The following SLC8B1 variants were observed in gnomAD, a reference collection of about 807,000 sequenced individuals.
SLC8B1 encodes solute carrier family 8 member B1.
Under a neutral mutation model 63.4 loss-of-function variants are expected in SLC8B1, and 52 were observed. The ratio of observed to expected loss-of-function variants is 0.82; its 90% CI spans 0.66 to 1.03. The LOEUF is 1.03. SLC8B1 is among the 50% of genes least tolerant of loss of function. SLC8B1 has a pLI of 0.00. For synonymous variants in SLC8B1, 336 were observed against 323.9 expected (o/e 1.04, Z -0.40); for missense variants, 657 against 741.7 (o/e 0.89, Z 1.33).
chr12:113,315,447 T>C lies in SLC8B1; in HGVS notation c.1023A>G (p.Thr341=), dbSNP rs751132601. The change falls in exon 11 of 16, where the codon ACA becomes ACG. Residue 341 remains threonine, a synonymous_variant. Transcript: ENST00000680972. The part of the protein sequence containing the change: ...KLPVEFLLLL[T]VPVVDPDKDD... ...CCTTGTCCGGGTCCACGACGGGGACTGTGAGGAGCAGCAGGAACTCCACAG... is the reference window on the plus strand; with the variant it reads ...CCTTGTCCGGGTCCACGACGGGGACCGTGAGGAGCAGCAGGAACTCCACAG... 1.2e-5 allele frequency: 20 copies of C among 1,602,058 alleles called. No homozygotes were observed. Among genetic ancestry groups the C allele is most frequent in the Non-Finnish European group, 1.7e-5 (20 of 1,174,862 alleles).
chr12:113,333,935 C>T (rs962794535), intron 1 of SLC8B1, among the ~76,000 whole-genome samples: 4 of 152,208 alleles, frequency 2.6e-5, no homozygotes, highest in Non-Finnish European at 5.9e-5. Flanking sequence ...TCTGGAACTC[C>T]TAGCCTCAAG....
rs577081533 is a variant in SLC8B1, at chr12:113,334,587, C to A, written c.-227G>T. 6.6e-6 allele frequency: 1 copy of A among 152,308 alleles called. No individual in the cohort carries two copies. Among genetic ancestry groups the A allele is most frequent in the African/African-American group, 2.4e-5 (1 of 41,552 alleles). 9.4% of individuals were successfully genotyped at this position (152,308 alleles called of 1,614,324 possible). ...CTCGGCCACTTACTATCTGTGTGGCCTTAAGGAAGTCACTTCACCTCTCTG... is the reference window on the plus strand; with the variant it reads ...CTCGGCCACTTACTATCTGTGTGGCATTAAGGAAGTCACTTCACCTCTCTG... On this transcript the variant is annotated 5_prime_UTR_variant, in exon 1 of 16. The change creates a new upstream start codon in the 5' untranslated region. Transcript: ENST00000680972.
chr12:113,332,730 A>G lies in SLC8B1; in HGVS notation c.149T>C (p.Val50Ala). 1 of 1,613,712 alleles carries G rather than the reference A, an allele frequency of 6.2e-7. No homozygotes were observed. Among genetic ancestry groups the G allele is most frequent in the Non-Finnish European group, 8.5e-7 (1 of 1,179,804 alleles). The change falls in exon 2 of 16, where the codon GTG (valine) becomes GCG (alanine). Residue 50 changes from valine to alanine, a missense_variant. By Grantham distance (64) the Val-to-Ala change is moderately conservative. Transcript: ENST00000680972. ...TCCTACCGGGATACTCACGTCTACC[A>G]CGGGGGTCTGGTTCACACCTGAAGC... ...FPASGVNQTPVVDCRKVCGLN... is the reference protein window; with the variant it reads ...FPASGVNQTPAVDCRKVCGLN...
Position 113,317,001 on chromosome 12 carries a change from T to C in SLC8B1, c.803A>G (p.Glu268Gly), listed in dbSNP as rs1311066658. The C allele has an allele frequency of 1.2e-6, 2 of 1,612,398 alleles. No individual in the cohort carries two copies. Among genetic ancestry groups the C allele is most frequent in the South Asian group, 2.2e-5 (2 of 90,468 alleles). Residue 268 changes from glutamate (E) to glycine (G), a missense_variant and splice_region_variant, in exon 9 of 16, where the codon GAG (glutamate) becomes GGG (glycine). Transcript: ENST00000680972. Reference protein sequence around the residue: ...SLFCPMPVTPEILSDSEEDRV... With the variant: ...SLFCPMPVTPGILSDSEEDRV... The stretch of plus-strand genomic sequence containing the variant: ...GTCCTCCTCGGAGTCTGAGAGGATC[T>C]CTGCAGGAGAGAGGCCCAGTTACAT...
intron 15 of SLC8B1, among the ~76,000 whole-genome samples, chr12:113,303,424 G>A (rs535112585): frequency 3.2e-4 from 48 of 152,094 alleles, no homozygotes; most frequent in Non-Finnish European, 5.6e-4. Flanking sequence ...GGGAGAAACG[G>A]GTGACTTTAT....
intron 11 of SLC8B1, among the ~76,000 whole-genome samples, chr12:113,312,739 T>G (rs1287405624): frequency 6.6e-6 from 1 of 152,144 alleles, no homozygotes; most frequent in East Asian, 1.9e-4. Context: ...TGCAGAACCG[T>G]GACTCAGGAA....
At chr12:113,318,882 C>T in intron 8 of SLC8B1, 82 bp downstream of exon 8, 1 of 1,080,280 alleles carries the variant, frequency 9.3e-7, no homozygotes. Flanking sequence ...ACAATGGCCT[C>T]AGGAGACCCT....
chr12:113,301,745 A>G (rs1393747788), intron 15 of SLC8B1, among the ~76,000 whole-genome samples: 9 of 152,172 alleles, frequency 5.9e-5, no homozygotes, highest in Non-Finnish European at 1.3e-4. Flanking sequence ...TGATCTAACA[A>G]TAGTCTTGTA....
At chr12:113,304,439 CA>C in intron 14 of SLC8B1, 54 bp from the exon 15 acceptor site, 1 of 1,516,112 alleles carries the variant, frequency 6.6e-7, no homozygotes, top group Non-Finnish European at 9.1e-7. Flanking sequence ...AACCCAACCA[CA>C]TAGCCCGTTC....
intron 8 of SLC8B1, among the ~76,000 whole-genome samples, chr12:113,318,416 G>C (rs968948577): frequency 2.0e-5 from 3 of 150,234 alleles, no homozygotes; most frequent in African/African-American, 7.5e-5. Flanking sequence ...GCATATATTT[G>C]TATGTGTGTT....
At chr12:113,330,351 A>C (rs1235258286) in intron 2 of SLC8B1, among the ~76,000 whole-genome samples, 1 of 152,230 alleles carries the variant, frequency 6.6e-6, no homozygotes, top group Non-Finnish European at 1.5e-5. Flanking sequence ...CCAGAAAGGC[A>C]GCTGCCCCAT....
Position 113,304,366 on chromosome 12 carries a change from C to T in SLC8B1, c.1512G>A (p.Gly504=), listed in dbSNP as rs1956642664. ...GIIFNILVGV[G]LGCLLQISRS... is the part of the protein sequence containing the mutation. ...GGGAGATCTGGAGCAGGCAGCCCAG[C>T]CCCACACCCACGAGGATGTCTGCAG... The change falls in exon 15 of 16, where the codon GGG becomes GGA. Residue 504 remains glycine, a synonymous_variant. Transcript: ENST00000680972. 4.3e-6 allele frequency: 7 copies of T among 1,613,852 alleles called. No homozygotes were observed. The East Asian group carries it at 1.3e-4, about 31-fold the overall frequency.
At chr12:113,302,064 A>T (rs1414714189) in intron 15 of SLC8B1, 1 of 152,256 alleles carries the variant, frequency 6.6e-6, no homozygotes, top group African/African-American at 2.4e-5. Flanking sequence ...GCAGGTTTTT[A>T]TATGTGTAGT....
intron 15 of SLC8B1, chr12:113,302,578 C>T (rs1956603834): frequency 2.2e-6 from 1 of 453,998 alleles, no homozygotes; most frequent in Admixed American, 2.4e-5. Flanking sequence ...TGTCCCCTCC[C>T]CGCTTCTCTT....
intron 2 of SLC8B1, among the ~76,000 whole-genome samples, chr12:113,325,595 C>T (rs1411083210): frequency 1.3e-4 from 20 of 148,448 alleles, no homozygotes; most frequent in Admixed American, 1.2e-3. Flanking sequence ...GACGGAGTCT[C>T]GCTCTTTCGC....
intron 8 of SLC8B1, among the ~76,000 whole-genome samples, chr12:113,318,671 CCT>C (rs1307332483): frequency 2.0e-5 from 3 of 151,914 alleles, no homozygotes; most frequent in Admixed American, 6.6e-5. Context: ...TGTGTTTTAC[CCT>C]GAGAATGGTG....
intron 11 of SLC8B1, among the ~76,000 whole-genome samples, chr12:113,313,619 T>C (rs984408450): frequency 8.5e-5 from 13 of 152,270 alleles, no homozygotes; most frequent in Non-Finnish European, 1.8e-4. Context: ...CGGGTGCCTG[T>C]AGTCCCAACT....
At chr12:113,331,934 T>A (rs1957060513) in intron 2 of SLC8B1, among the ~76,000 whole-genome samples, 1 of 152,132 alleles carries the variant, frequency 6.6e-6, no homozygotes, top group Non-Finnish European at 1.5e-5. Context: ...TGCCCGCCAT[T>A]ACCTCTCCAT....
In SLC8B1 at chr12:113,320,532, C is replaced by A. The variant is rs1049737989; in HGVS notation, c.527-34G>T. On this transcript the variant is annotated intron_variant, in intron 6 of 15. Transcript: ENST00000680972. This position sits in a 1 kb window ranked among gnomAD's most constrained non-coding sequence, Gnocchi z 5.3. Reference sequence around the variant, plus strand: ...AGGAGGCCAGAGCTCAGCCACCCTGCACCCTCTCCTGCTGCTTTCCCCGCC... The same window carrying A: ...AGGAGGCCAGAGCTCAGCCACCCTGAACCCTCTCCTGCTGCTTTCCCCGCC... 3 of 1,613,824 alleles carry A rather than the reference C, an allele frequency of 1.9e-6. No homozygotes were observed. The South Asian group carries it at 3.3e-5, about 18-fold the overall frequency.
Sources: allele counts gnomAD v4.1 joint callset (sites outside exome capture counted in the v4.1 genomes callset), GRCh38; gene constraint gnomAD v4.1.1; non-coding constraint Gnocchi (gnomAD v3.1); transcripts MANE v1.5; gene names NCBI Gene and HGNC (gene_info 2026-07-23, HGNC 2026-07-21).